Variants in PRKG1 observed in about 807,000 individuals in gnomAD.
PRKG1 encodes protein kinase cGMP-dependent 1.
A neutral mutation model predicts 88.1 loss-of-function variants in PRKG1; 35 were observed. That is an observed-to-expected ratio of 0.40 (90% CI 0.30 to 0.53). PRKG1 has a LOEUF of 0.53. Ranked by LOEUF, PRKG1 falls within the 20% of genes least tolerant of loss-of-function variation. The pLI, the probability that PRKG1 is intolerant of heterozygous loss-of-function variation, is 0.59. For missense variants in PRKG1, 540 were observed against 839.8 expected (o/e 0.64, Z 4.41); for synonymous variants, 303 against 292.5 (o/e 1.04, Z -0.37).
At chr10:52,192,917 G>T (rs1322339741) in intron 9 of PRKG1, among the ~76,000 whole-genome samples, 1 of 151,954 alleles carries the variant, frequency 6.6e-6, no homozygotes, top group South Asian at 2.1e-4. Context: ...GAGGCAAAAG[G>T]CTTTACAATA....
chr10:51,239,023 T>A (rs1589270318), intron 2 of PRKG1, among the ~76,000 whole-genome samples: 1 of 152,132 alleles, frequency 6.6e-6, no homozygotes, highest in East Asian at 1.9e-4. Flanking sequence ...AATTAAAGAA[T>A]TTGAGGTTAT....
intron 8 of PRKG1, among the ~76,000 whole-genome samples, chr10:52,160,615 G>A (rs11819297): frequency 0.059 from 8,932 of 151,862 alleles, 777 homozygotes; most frequent in African/African-American, 0.19. Context: ...AGGATGTCAT[G>A]TTCCTCTTTA....
chr10:50,999,356 G>A (rs906575125), intron 1 of PRKG1, among the ~76,000 whole-genome samples: 1 of 152,148 alleles, frequency 6.6e-6, no homozygotes, highest in Admixed American at 6.5e-5. Context: ...ATTTATTAAG[G>A]CAAATCCAGG....
intron 2 of PRKG1, among the ~76,000 whole-genome samples, chr10:51,438,455 A>G (rs1327937320): frequency 1.3e-5 from 2 of 151,896 alleles, no homozygotes; most frequent in Admixed American, 1.3e-4. Flanking sequence ...TAGGTATGAC[A>G]GTTTCTCAGT....
At chr10:51,814,838 T>G (rs973975630) in intron 4 of PRKG1, among the ~76,000 whole-genome samples, 1 of 152,158 alleles carries the variant, frequency 6.6e-6, no homozygotes, top group African/African-American at 2.4e-5. Flanking sequence ...TTTTAAAAAA[T>G]TATTCATCTG....
At chr10:51,078,304 C>T (rs1028852000) in intron 1 of PRKG1, among the ~76,000 whole-genome samples, 1 of 151,412 alleles carries the variant, frequency 6.6e-6, no homozygotes, top group African/African-American at 2.4e-5. Context: ...CTGTAACCTC[C>T]GCCTCCAGGG....
intron 4 of PRKG1, among the ~76,000 whole-genome samples, chr10:51,827,173 G>T (rs532248940): frequency 1.3e-5 from 2 of 152,214 alleles, no homozygotes; most frequent in Admixed American, 6.5e-5. Context: ...TCGGATGATT[G>T]CCCTAAATAT....
chr10:51,790,875 T>A (rs1838852730), intron 3 of PRKG1, among the ~76,000 whole-genome samples: 1 of 152,176 alleles, frequency 6.6e-6, no homozygotes, highest in Non-Finnish European at 1.5e-5. Context: ...TTTGAGATGA[T>A]CCAATTCAAT....
chr10:51,350,274 C>T (rs2132563129), intron 2 of PRKG1, among the ~76,000 whole-genome samples: 1 of 152,308 alleles, frequency 6.6e-6, no homozygotes, highest in East Asian at 1.9e-4. Flanking sequence ...ATTGAAAGCT[C>T]AAACATCCCA....
At chr10:51,132,555 G>A (rs1769767546) in intron 1 of PRKG1, among the ~76,000 whole-genome samples, 1 of 151,298 alleles carries the variant, frequency 6.6e-6, no homozygotes, top group Non-Finnish European at 1.5e-5. Context: ...CACTTTATTG[G>A]GGTAGCTAGA....
chr10:51,050,945 C>CT (rs1843553139), intron 1 of PRKG1, among the ~76,000 whole-genome samples: 1 of 151,996 alleles, frequency 6.6e-6, no homozygotes, highest in East Asian at 1.9e-4. Flanking sequence ...GTTTGTGTGT[C>CT]TTTTTTTGAA....
intron 12 of PRKG1, 80 bp from the exon 13 acceptor site, chr10:52,280,709 G>C: frequency 6.7e-7 from 1 of 1,483,926 alleles, no homozygotes; most frequent in Non-Finnish European, 9.2e-7. Context: ...AAGGAATATA[G>C]TGAAATGAGA....
intron 9 of PRKG1, among the ~76,000 whole-genome samples, chr10:52,201,770 C>T (rs1426758490): frequency 6.6e-6 from 1 of 152,092 alleles, no homozygotes; most frequent in Non-Finnish European, 1.5e-5. Context: ...TCTTTCACCT[C>T]CCTGACTAGA....
At chr10:51,404,525 T>C (rs574585212) in intron 2 of PRKG1, among the ~76,000 whole-genome samples, 1 of 152,320 alleles carries the variant, frequency 6.6e-6, no homozygotes, top group African/African-American at 2.4e-5. Flanking sequence ...CAAAGGTTGA[T>C]CTGTGAATGC....
At chr10:51,032,378 C>G (rs552761584) in intron 1 of PRKG1, among the ~76,000 whole-genome samples, 2 of 151,248 alleles carry the variant, frequency 1.3e-5, no homozygotes, top group Admixed American at 6.6e-5. Context: ...TTGCCCTTGT[C>G]GATTTTTTAA....
In PRKG1 at chr10:52,289,204, C is replaced by T. The variant is rs567707119; in HGVS notation, c.1895+211C>T. Among the ~76,000 whole-genome samples, 6 of 152,164 alleles carry T rather than the reference C, an allele frequency of 3.9e-5. No individual in the cohort carries two copies. The East Asian group carries it at 9.7e-4, about 24-fold the overall frequency. ...CAACCCTGTAACATAAGAAGCTGAA[C>T]TCAGTTTCTTACAACTCATACCAAC... On this transcript the variant is annotated intron_variant, in intron 16 of 17. Transcript: ENST00000373980.
At chr10:51,230,390 C>T (rs1044856987) in intron 2 of PRKG1, among the ~76,000 whole-genome samples, 3 of 152,150 alleles carry the variant, frequency 2.0e-5, no homozygotes, top group Admixed American at 6.5e-5. Context: ...GAAGTATTTA[C>T]TTTTCACATT....
At chr10:51,686,845 C>T (rs184721231) in intron 3 of PRKG1, among the ~76,000 whole-genome samples, 475 of 152,258 alleles carry the variant, frequency 3.1e-3, no homozygotes, top group African/African-American at 0.011. Flanking sequence ...AAGGTATTCT[C>T]CTGCCTCAGC....
chr10:51,019,851 AT>A (rs558505836), intron 1 of PRKG1, among the ~76,000 whole-genome samples: 1 of 152,044 alleles, frequency 6.6e-6, no homozygotes, highest in Non-Finnish European at 1.5e-5. Context: ...ATGAATAGAA[AT>A]TTTTTTAAAG....
Sources: gnomAD v4.1 joint callset for allele counts (sites outside exome capture counted in the v4.1 genomes callset) on GRCh38, gnomAD v4.1.1 for gene constraint, MANE v1.5 for transcripts, NCBI Gene and HGNC (gene_info 2026-07-23, HGNC 2026-07-21) for gene names.